Variants in GPR158 observed in about 807,000 individuals in gnomAD.
GPR158 encodes metabotropic glycine receptor.
GPR158 carries 30 observed loss-of-function variants against 78.2 expected under a neutral mutation model. That is an observed-to-expected ratio of 0.38 (90% CI 0.29 to 0.52). GPR158 has a LOEUF of 0.52. GPR158 is among the 20% of genes least tolerant of loss of function. The probability of loss-of-function intolerance (pLI) is 0.83; values close to 1 mark genes in which losing one functional copy is unlikely to be tolerated. For synonymous variants in GPR158, 581 were observed against 591.1 expected, an observed-to-expected ratio of 0.98 and a Z score of 0.25; for missense variants, 1,463 against 1,523.5, an observed-to-expected ratio of 0.96 and a Z score of 0.66.
chr10:25,546,507 G>A (rs1282655624), intron 5 of GPR158, among the ~76,000 whole-genome samples: 1 of 152,146 alleles, frequency 6.6e-6, no homozygotes. Flanking sequence ...AGGTTGCCCA[G>A]TTTTCTTCAT....
At chr10:25,280,635 A>G (rs1447343196) in intron 2 of GPR158, among the ~76,000 whole-genome samples, 2 of 152,232 alleles carry the variant, frequency 1.3e-5, no homozygotes, top group African/African-American at 4.8e-5. Context: ...GTCTCAAATT[A>G]CAGACTGCAT....
At chr10:25,327,475 G>A (rs773778639) in intron 2 of GPR158, among the ~76,000 whole-genome samples, 2 of 152,190 alleles carry the variant, frequency 1.3e-5, no homozygotes, top group African/African-American at 4.8e-5. Context: ...CAAGGGAACC[G>A]TTGAATTAAA....
intron 2 of GPR158, among the ~76,000 whole-genome samples, chr10:25,287,864 C>T (rs1484770023): frequency 6.6e-6 from 1 of 151,978 alleles, no homozygotes; most frequent in Non-Finnish European, 1.5e-5. Flanking sequence ...CCTTCTGCGT[C>T]CCAAGTAGAA....
At chr10:25,395,846 C>A in intron 2 of GPR158, 65 bp from the exon 3 acceptor site, 1 of 698,000 alleles carries the variant, frequency 1.4e-6, no homozygotes, top group Non-Finnish European at 2.5e-6. Context: ...TGATGGATAT[C>A]TGCGAGCCTT....
chr10:25,594,358 G>T lies in GPR158; in HGVS notation c.1959G>T (p.Leu653Phe). 1 of 1,588,942 alleles carries T rather than the reference G, an allele frequency of 6.3e-7. No individual in the cohort carries two copies. The highest frequency in any genetic ancestry group is 8.6e-7 in the Non-Finnish European group (1 of 1,158,954). ...TGCTGTATTTTGCACATACTCATTT[G>T]ACTGTGACAGTCACCATTGGGTTGC... The part of the protein sequence containing the change: ...MLMLYFAHTH[L>F]TVTVTIGLLL... The change falls in exon 9 of 11, where the codon TTG (leucine) becomes TTT (phenylalanine). Residue 653 changes from leucine (L) to phenylalanine (F), a missense_variant. Coordinates refer to ENST00000376351, the MANE Select transcript of GPR158 (RefSeq NM_020752.3).
At chr10:25,439,841 A>C (rs1353842859) in intron 4 of GPR158, among the ~76,000 whole-genome samples, 1 of 152,198 alleles carries the variant, frequency 6.6e-6, no homozygotes, top group African/African-American at 2.4e-5. Context: ...TTGTGTCTAC[A>C]AAATTTTTTG....
Position 25,575,332 on chromosome 10 carries a change from G to T in GPR158, c.1753+2445G>T, listed in dbSNP as rs145360982. Among the ~76,000 whole-genome samples, 166 of 152,142 alleles carry T rather than the reference G, an allele frequency of 1.1e-3. 2 individuals carry two copies. Among genetic ancestry groups the T allele is most frequent in the Middle Eastern group, 0.01 (3 of 294 alleles). On this transcript the variant is annotated intron_variant, in intron 7 of 10. Transcript: ENST00000376351. ...AAGATGACTATAAGGATGTATTTTG[G>T]TTTTTTTGTTTTTTTAAGTGAAATG...
intron 6 of GPR158, among the ~76,000 whole-genome samples, chr10:25,555,646 AG>A (rs1198588822): frequency 6.6e-6 from 1 of 152,210 alleles, no homozygotes; most frequent in Non-Finnish European, 1.5e-5. Flanking sequence ...GGGTGAAAAA[AG>A]ATTTAAAAAC....
intron 5 of GPR158, among the ~76,000 whole-genome samples, chr10:25,481,522 A>G (rs990410869): frequency 3.9e-5 from 6 of 152,148 alleles, no homozygotes; most frequent in African/African-American, 9.7e-5. Context: ...AGTTAAACCT[A>G]TATTCAAAAT....
chr10:25,417,604 G>A (rs945633404), intron 4 of GPR158, among the ~76,000 whole-genome samples: 4 of 152,120 alleles, frequency 2.6e-5, no homozygotes, highest in Non-Finnish European at 5.9e-5. Flanking sequence ...TATTCACTGA[G>A]TGAAACCAAA....
intron 2 of GPR158, among the ~76,000 whole-genome samples, chr10:25,368,665 A>G (rs933906392): frequency 5.3e-5 from 8 of 151,848 alleles, no homozygotes; most frequent in Admixed American, 2.0e-4. Flanking sequence ...CATTGTGGAA[A>G]GCAGTGTGGT....
intron 2 of GPR158, among the ~76,000 whole-genome samples, chr10:25,253,637 A>G (rs1023779775): frequency 1.3e-5 from 2 of 152,154 alleles, no homozygotes; most frequent in Non-Finnish European, 2.9e-5. Context: ...ATGTAAGAAC[A>G]TTTTCCAATG....
chr10:25,356,995 G>C (rs192916450), intron 2 of GPR158, among the ~76,000 whole-genome samples: 4 of 152,044 alleles, frequency 2.6e-5, no homozygotes, highest in African/African-American at 9.7e-5. Flanking sequence ...TGAACAATAA[G>C]GTCCGGGCTG....
In GPR158 at chr10:25,175,083, A is replaced by T; in HGVS notation, c.-338A>T. The T allele has an allele frequency of 4.3e-6, 1 of 231,278 alleles. No individual in the cohort carries two copies. The highest frequency in any genetic ancestry group is 8.9e-5 in the South Asian group (1 of 11,270). The allele number at this position is 231,278 out of a possible 1,614,324, so 14.3% of individuals were successfully genotyped here. On this transcript the variant is annotated 5_prime_UTR_variant, in exon 1 of 11. Transcript: ENST00000376351. This position sits in a 1 kb window ranked among gnomAD's most constrained non-coding sequence, Gnocchi z 6.4. ...CCTCAATGAGAGCGGCGGTGGCGGC[A>T]GCCGGGCCGAGAGACGGACTCGGGC...
intron 5 of GPR158, among the ~76,000 whole-genome samples, chr10:25,485,430 G>A (rs1458218768): frequency 1.3e-5 from 2 of 152,008 alleles, no homozygotes; most frequent in East Asian, 3.9e-4. Flanking sequence ...AAGATCCAGA[G>A]CCATGTAAAC....
chr10:25,287,790 A>T (rs1316695965), intron 2 of GPR158, among the ~76,000 whole-genome samples: 1 of 152,084 alleles, frequency 6.6e-6, no homozygotes, highest in African/African-American at 2.4e-5. Flanking sequence ...AAAGGTTTTC[A>T]TATTGTCTGC....
chr10:25,534,136 C>T (rs1050152333), intron 5 of GPR158, among the ~76,000 whole-genome samples: 4 of 152,238 alleles, frequency 2.6e-5, no homozygotes, highest in African/African-American at 7.2e-5. Context: ...TCTGGTTATG[C>T]TTTGGCACAT....
intron 2 of GPR158, among the ~76,000 whole-genome samples, chr10:25,270,671 G>A (rs562516815): frequency 3.3e-5 from 5 of 152,184 alleles, no homozygotes; most frequent in African/African-American, 1.2e-4. Flanking sequence ...CTACAGGCCA[G>A]ATATCTACAA....
At chr10:25,181,181 C>A (rs139543246) in intron 1 of GPR158, among the ~76,000 whole-genome samples, 4 of 152,132 alleles carry the variant, frequency 2.6e-5, no homozygotes, top group Non-Finnish European at 5.9e-5. Context: ...CAGGAATAGC[C>A]GAGAGGTGTT....
Sources: gnomAD v4.1 joint callset for allele counts (sites outside exome capture counted in the v4.1 genomes callset) on GRCh38, gnomAD v4.1.1 for gene constraint, Gnocchi (gnomAD v3.1) non-coding constraint, MANE v1.5 for transcripts, NCBI Gene and HGNC (gene_info 2026-07-23, HGNC 2026-07-21) for gene names.